KIAA1328: variants seen among roughly 807,000 people sequenced by gnomAD.
KIAA1328 encodes protein hinderin.
KIAA1328 carries 52 observed loss-of-function variants against 68.1 expected under a neutral mutation model. The ratio of observed to expected loss-of-function variants is 0.76; its 90% CI spans 0.61 to 0.96. KIAA1328 has a LOEUF of 0.96. Among genes scored for constraint, KIAA1328 ranks in the 40% least tolerant of loss-of-function variants. The pLI is 0.00. For synonymous variants in KIAA1328, 232 were observed against 239.4 expected (o/e 0.97, Z 0.28); for missense variants, 641 against 677.6 (o/e 0.95, Z 0.60).
At chr18:36,976,270 G>C (rs2052468031) in intron 6 of KIAA1328, among the ~76,000 whole-genome samples, 1 of 152,190 alleles carries the variant, frequency 6.6e-6, no homozygotes, top group Non-Finnish European at 1.5e-5. Context: ...AGAAATGTAT[G>C]AGTTCCTATA....
intron 8 of KIAA1328, among the ~76,000 whole-genome samples, chr18:37,164,495 A>T (rs2059346093): frequency 6.6e-6 from 1 of 152,236 alleles, no homozygotes; most frequent in African/African-American, 2.4e-5. Context: ...CTGTAAGCTC[A>T]GCACTTTGTG....
At chr18:36,862,037 A>C (rs1284635395) in intron 4 of KIAA1328, among the ~76,000 whole-genome samples, 2 of 152,224 alleles carry the variant, frequency 1.3e-5, no homozygotes, top group Non-Finnish European at 2.9e-5. Context: ...CTTTAAAAAA[A>C]GAAACAACTT....
At chr18:37,054,199 C>G (rs1299961771) in intron 6 of KIAA1328, among the ~76,000 whole-genome samples, 4 of 152,092 alleles carry the variant, frequency 2.6e-5, no homozygotes, top group Non-Finnish European at 5.9e-5. Context: ...GGAACAGTTA[C>G]AACTTGTTGG....
At chr18:37,166,538 CT>C (rs1228111832) in intron 8 of KIAA1328, among the ~76,000 whole-genome samples, 1 of 152,120 alleles carries the variant, frequency 6.6e-6, no homozygotes, top group Non-Finnish European at 1.5e-5. Flanking sequence ...TTGGGTGCCC[CT>C]GCCCTCCCCT....
Position 37,138,903 on chromosome 18 carries a change from A to G in KIAA1328, c.1233-21297A>G, listed in dbSNP as rs191430811. On this transcript the variant is annotated intron_variant, in intron 7 of 9. Coordinates refer to ENST00000280020, the MANE Select transcript of KIAA1328 (RefSeq NM_020776.3). ...TGATAATTTTGGAGTTGGAAGGCAG[A>G]AAGATTTGACAGTACATGGAATATT... 1.6e-4 allele frequency among the ~76,000 whole-genome samples: 24 copies of G among 151,900 alleles called. No individual in the cohort carries two copies. In the East Asian group the frequency reaches 3.5e-3, roughly 22 times the overall value.
chr18:37,111,585 C>G (rs780088071), intron 7 of KIAA1328, among the ~76,000 whole-genome samples: 3 of 152,196 alleles, frequency 2.0e-5, no homozygotes, highest in Non-Finnish European at 4.4e-5. Context: ...AGGAAAAGCT[C>G]CAGTCTACAG....
intron 4 of KIAA1328, among the ~76,000 whole-genome samples, chr18:36,849,491 T>G (rs1295871369): frequency 1.3e-5 from 2 of 152,044 alleles, no homozygotes; most frequent in Non-Finnish European, 2.9e-5. Context: ...CTGACTCTGG[T>G]TATTCTATAT....
rs200122756 is a variant in KIAA1328, at chr18:37,122,154, A to G, written c.1233-38046A>G. Among the ~76,000 whole-genome samples the G allele has an allele frequency of 7.9e-5, 12 of 152,182 alleles. No individual in the cohort carries two copies. The East Asian group carries it at 2.1e-3, about 27-fold the overall frequency. ...GCAATGGAGACTAATACAAGCAGTA[A>G]GAAAGACTGGTAGAAAACCAAGAGA... On this transcript the variant is annotated intron_variant, in intron 7 of 9. Coordinates refer to ENST00000280020, the MANE Select transcript of KIAA1328 (RefSeq NM_020776.3).
intron 6 of KIAA1328, among the ~76,000 whole-genome samples, chr18:37,041,218 T>C (rs2055231489): frequency 6.6e-6 from 1 of 152,066 alleles, no homozygotes; most frequent in African/African-American, 2.4e-5. Flanking sequence ...TTCATGTGCC[T>C]TGGGACTCAG....
intron 7 of KIAA1328, among the ~76,000 whole-genome samples, chr18:37,132,520 A>G (rs546574938): frequency 2.6e-5 from 4 of 152,338 alleles, no homozygotes; most frequent in East Asian, 1.9e-4. Context: ...AGAAGGGCCA[A>G]TTGGAATTGG....
intron 9 of KIAA1328, among the ~76,000 whole-genome samples, chr18:37,207,742 G>A (rs2060242566): frequency 6.6e-6 from 1 of 152,208 alleles, no homozygotes; most frequent in African/African-American, 2.4e-5. Flanking sequence ...GTCACCTGGA[G>A]CACGTGAATG....
At chr18:37,072,334 C>T (rs2056565211) in intron 7 of KIAA1328, among the ~76,000 whole-genome samples, 1 of 151,160 alleles carries the variant, frequency 6.6e-6, no homozygotes, top group Non-Finnish European at 1.5e-5. Flanking sequence ...ACAAATGTGG[C>T]ATTTTCTTCT....
At chr18:36,900,369 A>G (rs1013684488) in intron 5 of KIAA1328, among the ~76,000 whole-genome samples, 7 of 151,998 alleles carry the variant, frequency 4.6e-5, no homozygotes, top group African/African-American at 7.2e-5. Context: ...TTTGTCTTCA[A>G]AGAAAACTGC....
chr18:37,077,883 T>C (rs987618945), intron 7 of KIAA1328, among the ~76,000 whole-genome samples: 4 of 151,866 alleles, frequency 2.6e-5, no homozygotes, highest in South Asian at 2.1e-4. Flanking sequence ...GAATCAATAT[T>C]GTGAAAATGG....
chr18:36,973,828 CAT>C lies in KIAA1328; in HGVS notation c.576+14395_576+14396del, dbSNP rs1491350286. On this transcript the variant is annotated intron_variant, in intron 6 of 9. Coordinates refer to ENST00000280020, the MANE Select transcript of KIAA1328 (RefSeq NM_020776.3). ...GTACGCACATACACACACACACACA[CAT>C]ACACACACACACACACACACATATA... 2.3e-4 allele frequency among the ~76,000 whole-genome samples: 28 copies of C among 120,614 alleles called. 1 individual carries two copies. Among genetic ancestry groups the C allele is most frequent in the Admixed American group, 3.4e-4 (4 of 11,882 alleles). The allele number at this position is 120,614 out of a possible 152,430, so 79.1% of individuals were successfully genotyped here.
intron 7 of KIAA1328, among the ~76,000 whole-genome samples, chr18:37,128,771 G>A (rs906770058): frequency 5.3e-5 from 8 of 152,140 alleles, no homozygotes; most frequent in Admixed American, 3.3e-4. Flanking sequence ...ACTGGCAAAT[G>A]TATAATAGAC....
chr18:36,854,201 G>C (rs923189994), intron 4 of KIAA1328, among the ~76,000 whole-genome samples: 1 of 152,182 alleles, frequency 6.6e-6, no homozygotes, highest in Non-Finnish European at 1.5e-5. Context: ...ACAGCAAGAA[G>C]GCAGGCATCT....
intron 6 of KIAA1328, among the ~76,000 whole-genome samples, chr18:36,998,867 G>A (rs1199380228): frequency 3.9e-5 from 6 of 152,128 alleles, no homozygotes; most frequent in Non-Finnish European, 8.8e-5. Context: ...CAGGAAACAT[G>A]AAAAAGCAAG....
intron 5 of KIAA1328, among the ~76,000 whole-genome samples, chr18:36,940,023 G>GA (rs11401079): frequency 0.73 from 111,498 of 151,984 alleles, 43,976 homozygotes; most frequent in South Asian, 0.89. Context: ...TATCCATTGT[G>GA]TCCAAAGACA....
Sources: gnomAD v4.1 joint callset for allele counts (sites outside exome capture counted in the v4.1 genomes callset) on GRCh38, gnomAD v4.1.1 for gene constraint, MANE v1.5 for transcripts, NCBI Gene and HGNC (gene_info 2026-07-23, HGNC 2026-07-21) for gene names.